Variants in GPC5 observed in about 807,000 individuals in gnomAD.
GPC5 encodes the protein glypican-5.
Under a neutral mutation model 53.9 loss-of-function variants are expected in GPC5, and 47 were observed. That is an observed-to-expected ratio of 0.87 (90% confidence interval 0.69 to 1.11). The LOEUF (loss-of-function observed/expected upper bound fraction) is 1.11. GPC5 is among the 50% of genes most tolerant of loss of function. The probability of loss-of-function intolerance (pLI) is 0.00; values close to 1 mark genes in which losing one functional copy is unlikely to be tolerated. For synonymous variants in GPC5, 286 were observed against 263.3 expected, an observed-to-expected ratio of 1.09 and a Z score of -0.84; for missense variants, 748 against 713.1, an observed-to-expected ratio of 1.05 and a Z score of -0.56.
chr13:92,251,677 C>A (rs1179972037), intron 7 of GPC5, among the ~76,000 whole-genome samples: 1 of 152,078 alleles, frequency 6.6e-6, no homozygotes, highest in Non-Finnish European at 1.5e-5. Context: ...ACATACAAGA[C>A]CCTGAATGAC....
chr13:92,624,667 G>A (rs1048514672), intron 7 of GPC5, among the ~76,000 whole-genome samples: 1 of 152,190 alleles, frequency 6.6e-6, no homozygotes, highest in African/African-American at 2.4e-5. Flanking sequence ...AAGATGGTCA[G>A]ATGGCACATG....
intron 7 of GPC5, among the ~76,000 whole-genome samples, chr13:92,541,050 C>T (rs114767953): frequency 9.2e-5 from 14 of 151,856 alleles, no homozygotes; most frequent in African/African-American, 3.4e-4. Context: ...AGGACATATA[C>T]ATGTGGTTTA....
At chr13:92,047,806 T>TAAAA (rs35020183) in intron 6 of GPC5, among the ~76,000 whole-genome samples, 11 of 98,708 alleles carry the variant, frequency 1.1e-4, no homozygotes, top group Non-Finnish European at 1.2e-4. Flanking sequence ...CTGTCTCTAC[T>TAAAA]AAAAAAAAAA....
At chr13:92,115,327 A>G (rs2138934125) in intron 6 of GPC5, among the ~76,000 whole-genome samples, 1 of 152,284 alleles carries the variant, frequency 6.6e-6, no homozygotes, top group South Asian at 2.1e-4. Context: ...GCCAACATGG[A>G]GAAAGCGCAT....
chr13:91,562,476 T>C (rs2031322196), intron 2 of GPC5, among the ~76,000 whole-genome samples: 1 of 152,074 alleles, frequency 6.6e-6, no homozygotes, highest in African/African-American at 2.4e-5. Flanking sequence ...TTTTCTTTCT[T>C]TTTTTGAGAC....
At chr13:92,364,211 G>T (rs1594135089) in intron 7 of GPC5, among the ~76,000 whole-genome samples, 1 of 151,716 alleles carries the variant, frequency 6.6e-6, no homozygotes, top group Admixed American at 6.5e-5. Context: ...TTTATCTTTT[G>T]CTCTCCAGTG....
chr13:91,907,144 A>T (rs2039561672), intron 5 of GPC5, among the ~76,000 whole-genome samples: 1 of 149,308 alleles, frequency 6.7e-6, no homozygotes, highest in South Asian at 2.1e-4. Flanking sequence ...CACATTAATA[A>T]CATAGGTATA....
intron 7 of GPC5, among the ~76,000 whole-genome samples, chr13:92,639,465 TC>T (rs1885517867): frequency 6.6e-6 from 1 of 152,186 alleles, no homozygotes; most frequent in Non-Finnish European, 1.5e-5. Flanking sequence ...GTGAAATCCT[TC>T]CTGATTTAAA....
intron 7 of GPC5, among the ~76,000 whole-genome samples, chr13:92,544,852 A>G (rs1882048063): frequency 6.6e-6 from 1 of 151,894 alleles, no homozygotes; most frequent in African/African-American, 2.4e-5. Context: ...TTCCTTTTTT[A>G]TGTGAATGAA....
intron 2 of GPC5, among the ~76,000 whole-genome samples, chr13:91,589,176 T>G (rs1417050244): frequency 6.7e-6 from 1 of 148,910 alleles, no homozygotes; most frequent in African/African-American, 2.5e-5. Flanking sequence ...TCACTGACTT[T>G]CTCTTTCAAA....
intron 7 of GPC5, among the ~76,000 whole-genome samples, chr13:92,207,925 G>C (rs1309742757): frequency 6.6e-6 from 1 of 152,170 alleles, no homozygotes; most frequent in East Asian, 1.9e-4. Flanking sequence ...CCAATTTGTA[G>C]CTCCCAAGGG....
intron 2 of GPC5, among the ~76,000 whole-genome samples, chr13:91,467,419 G>A (rs148419481): frequency 1.7e-3 from 259 of 152,236 alleles, no homozygotes; most frequent in African/African-American, 6.1e-3. Flanking sequence ...AATTCCTTGC[G>A]ATTAATTTAA....
At chr13:92,018,772 A>G (rs1337694780) in intron 6 of GPC5, among the ~76,000 whole-genome samples, 1 of 152,130 alleles carries the variant, frequency 6.6e-6, no homozygotes, top group East Asian at 1.9e-4. Context: ...ATAATCACTA[A>G]GAATTCAGGA....
chr13:91,994,079 A>G (rs2040482173), intron 6 of GPC5, among the ~76,000 whole-genome samples: 1 of 152,242 alleles, frequency 6.6e-6, no homozygotes, highest in Non-Finnish European at 1.5e-5. Context: ...ATCTTTGAAC[A>G]GTATATGCCA....
At chr13:91,973,005 T>C (rs1424793748) in intron 6 of GPC5, among the ~76,000 whole-genome samples, 1 of 152,190 alleles carries the variant, frequency 6.6e-6, no homozygotes, top group Non-Finnish European at 1.5e-5. Context: ...TGAATCTGAA[T>C]GTTGGCCTGC....
chr13:92,487,990 G>T (rs1357003207), intron 7 of GPC5, among the ~76,000 whole-genome samples: 1 of 151,932 alleles, frequency 6.6e-6, no homozygotes, highest in Non-Finnish European at 1.5e-5. Context: ...CTTGATTAGG[G>T]TGTTTATGTG....
intron 5 of GPC5, among the ~76,000 whole-genome samples, chr13:91,763,807 C>A (rs2037466307): frequency 6.6e-6 from 1 of 152,196 alleles, no homozygotes; most frequent in South Asian, 2.1e-4. Context: ...AATATAGTCA[C>A]CCCTTGGTAT....
In GPC5 at chr13:92,844,536, A is replaced by ATGTG. The variant is rs36093777; in HGVS notation, c.1562-21728_1562-21725dup. ...ATTTTGTGGTACTTTTACAGGAAAAATGTGTGTGTGTGTGTGTGTGTATAC... is the reference window on the plus strand; with the variant it reads ...ATTTTGTGGTACTTTTACAGGAAAAATGTGTGTGTGTGTGTGTGTGTGTGTATAC... On this transcript the variant is annotated intron_variant, in intron 7 of 7. Transcript: ENST00000377067. Among the ~76,000 whole-genome samples, 397 of 149,734 alleles carry ATGTG rather than the reference A, an allele frequency of 2.7e-3. 1 individual carries two copies. The highest frequency in any genetic ancestry group is 5.7e-3 in the East Asian group (29 of 5,064).
At chr13:92,576,997 G>A (rs1883207362) in intron 7 of GPC5, among the ~76,000 whole-genome samples, 1 of 152,076 alleles carries the variant, frequency 6.6e-6, no homozygotes, top group Admixed American at 6.6e-5. Context: ...TAATCTTCAA[G>A]ATAAAATGGA....
Sources: gnomAD v4.1 joint callset for allele counts (sites outside exome capture counted in the v4.1 genomes callset) on GRCh38, gnomAD v4.1.1 for gene constraint, MANE v1.5 for transcripts, NCBI Gene and HGNC (gene_info 2026-07-23, HGNC 2026-07-21) for gene names.